Variants in FBLN2 observed in about 807,000 individuals in gnomAD.
FBLN2 encodes the protein fibulin-2.
FBLN2 carries 81 observed loss-of-function variants against 123.7 expected under a neutral mutation model. That is an observed-to-expected ratio of 0.65 (90% CI 0.55 to 0.79). The LOEUF is 0.79. FBLN2 is among the 30% of genes least tolerant of loss of function. The pLI is 0.00. For synonymous variants in FBLN2, 699 were observed against 701.4 expected (o/e 1.00, Z 0.05); for missense variants, 1,603 against 1,681.3 (o/e 0.95, Z 0.81).
intron 2 of FBLN2, among the ~76,000 whole-genome samples, chr3:13,599,351 G>T (rs1704949052): frequency 6.6e-6 from 1 of 152,224 alleles, no homozygotes; most frequent in African/African-American, 2.4e-5. Flanking sequence ...TTCCAGGCAG[G>T]CAGCATGGCA....
intron 6 of FBLN2, 38 bp from the exon 7 acceptor site, chr3:13,618,866 A>T (rs751919782): frequency 6.6e-7 from 1 of 1,524,340 alleles, no homozygotes; most frequent in Non-Finnish European, 9.0e-7. Context: ...AAGACCTGAG[A>T]CCTCCCTGCA....
chr3:13,612,372 C>CTCTG (rs201910468), intron 4 of FBLN2, among the ~76,000 whole-genome samples: 2 of 101,976 alleles, frequency 2.0e-5, no homozygotes, highest in South Asian at 3.0e-4. Context: ...CTGTCTGTCT[C>CTCTG]TCTGTCTGTC....
Position 13,570,461 on chromosome 3 carries a change from G to C in FBLN2, c.106G>C (p.Val36Leu), listed in dbSNP as rs779542165. ...TGCCCCTCGGCAGGACTGCACGGGC[G>C]TGGAGTGCCCGCCGCTGGAGAACTG... is the stretch of plus-strand genomic sequence containing the variant. ...AAAPRQDCTGVECPPLENCIE... is the reference protein window; with the variant it reads ...AAAPRQDCTGLECPPLENCIE... Residue 36 changes from valine to leucine, a missense_variant, in exon 2 of 18, where the codon GTG (valine) becomes CTG (leucine). Coordinates refer to ENST00000404922, the MANE Select transcript of FBLN2 (RefSeq NM_001004019.2). The C allele has an allele frequency of 6.4e-7, 1 of 1,574,082 alleles. No homozygotes were observed. The highest frequency in any genetic ancestry group is 1.8e-5 in the Admixed American group (1 of 54,850).
At chr3:13,587,099 T>C (rs7645806) in intron 2 of FBLN2, among the ~76,000 whole-genome samples, 59,981 of 147,164 alleles carry the variant, frequency 0.41, 14,814 homozygotes, top group African/African-American at 0.7. Context: ...GAGCCCAGAT[T>C]GGGCCACTGC....
chr3:13,626,366 G>A, intron 9 of FBLN2, 79 bp from the exon 10 acceptor site: 1 of 1,404,220 alleles, frequency 7.1e-7, no homozygotes, highest in Non-Finnish European at 9.5e-7. Context: ...CTCCCTCCTG[G>A]TGGCCCAAGG....
intron 1 of FBLN2, among the ~76,000 whole-genome samples, chr3:13,568,385 C>G (rs1184029136): frequency 6.6e-6 from 1 of 152,254 alleles, no homozygotes; most frequent in Non-Finnish European, 1.5e-5. Flanking sequence ...TCTCCTGCCT[C>G]TCTTCGCTCA....
intron 1 of FBLN2, among the ~76,000 whole-genome samples, chr3:13,565,518 T>C (rs1703718934): frequency 6.6e-6 from 1 of 152,244 alleles, no homozygotes; most frequent in Admixed American, 6.5e-5. Flanking sequence ...CCCAGCACTT[T>C]GGGAGGCCGA....
chr3:13,631,815 T>C (rs1014439057), intron 16 of FBLN2, among the ~76,000 whole-genome samples: 1 of 152,160 alleles, frequency 6.6e-6, no homozygotes, highest in Admixed American at 6.5e-5. Flanking sequence ...CCCGAGTCTC[T>C]GCAGTGTTAT....
At chr3:13,553,375 C>T (rs1490433853) in intron 1 of FBLN2, among the ~76,000 whole-genome samples, 4 of 152,110 alleles carry the variant, frequency 2.6e-5, no homozygotes, top group African/African-American at 7.2e-5. Flanking sequence ...GAAACTGAGG[C>T]GCAGAGTGGG....
At chr3:13,612,198 G>A (rs1473619820) in intron 4 of FBLN2, among the ~76,000 whole-genome samples, 3 of 152,010 alleles carry the variant, frequency 2.0e-5, no homozygotes, top group East Asian at 1.9e-4. Flanking sequence ...GTCTAGAAAC[G>A]TTTAGAATCC....
chr3:13,617,070 G>A (rs1360607516), intron 5 of FBLN2, among the ~76,000 whole-genome samples: 1 of 152,148 alleles, frequency 6.6e-6, no homozygotes, highest in Non-Finnish European at 1.5e-5. Context: ...CAGTGATGAA[G>A]ACTTGGACCT....
At chr3:13,550,876 C>T (rs1405729113) in intron 1 of FBLN2, among the ~76,000 whole-genome samples, 2 of 152,230 alleles carry the variant, frequency 1.3e-5, no homozygotes, top group African/African-American at 2.4e-5. Context: ...TTTTGTTTGG[C>T]TCTCACCATG....
chr3:13,593,441 C>T (rs559687626), intron 2 of FBLN2, among the ~76,000 whole-genome samples: 70 of 152,154 alleles, frequency 4.6e-4, no homozygotes, highest in Non-Finnish European at 8.2e-4. Flanking sequence ...ATTGGCTGGG[C>T]GCAGTGGCTC....
chr3:13,617,383 C>T (rs79957150), intron 5 of FBLN2, among the ~76,000 whole-genome samples: 6,668 of 151,982 alleles, frequency 0.044, 193 homozygotes, highest in East Asian at 0.13. Context: ...TCCACCCATC[C>T]ACCCACTCAC....
intron 16 of FBLN2, 115 bp from the exon 17 acceptor site, chr3:13,636,330 G>A: frequency 7.7e-7 from 1 of 1,304,970 alleles, no homozygotes; most frequent in Admixed American, 2.3e-5. Flanking sequence ...GAGGCACGCG[G>A]GCTATTCTCA....
At chr3:13,585,031 G>A (rs1704453599) in intron 2 of FBLN2, among the ~76,000 whole-genome samples, 1 of 152,218 alleles carries the variant, frequency 6.6e-6, no homozygotes, top group African/African-American at 2.4e-5. Flanking sequence ...GGTTGGTGGT[G>A]GGTGAGTGAT....
intron 9 of FBLN2, among the ~76,000 whole-genome samples, chr3:13,626,032 A>G (rs993018524): frequency 6.6e-6 from 1 of 151,854 alleles, no homozygotes; most frequent in Non-Finnish European, 1.5e-5. Context: ...CTGAGAATCC[A>G]TCCCTGACCC....
chr3:13,574,639 C>T (rs1574953439), intron 2 of FBLN2, among the ~76,000 whole-genome samples: 1 of 152,162 alleles, frequency 6.6e-6, no homozygotes, highest in Non-Finnish European at 1.5e-5. Flanking sequence ...GGCCCCAGGG[C>T]TGCCATGGCA....
chr3:13,606,014 C>G (rs1315592503), intron 2 of FBLN2, among the ~76,000 whole-genome samples: 5 of 152,106 alleles, frequency 3.3e-5, no homozygotes, highest in African/African-American at 2.4e-5. Flanking sequence ...CCTCCAACCC[C>G]CCTCCCCATC....
Sources: allele counts gnomAD v4.1 joint callset (sites outside exome capture counted in the v4.1 genomes callset), GRCh38; gene constraint gnomAD v4.1.1; transcripts MANE v1.5; gene names NCBI Gene and HGNC (gene_info 2026-07-23, HGNC 2026-07-21).